The following LYN variants were observed in gnomAD, a reference collection of about 807,000 sequenced individuals.
LYN encodes LYN proto-oncogene, Src family tyrosine kinase.
A neutral mutation model predicts 65.0 loss-of-function variants in LYN; 12 were observed. The ratio of observed to expected loss-of-function variants is 0.18; its 90% CI spans 0.12 to 0.30. LYN has a LOEUF of 0.30. Ranked by LOEUF, LYN falls within the 10% of genes least tolerant of loss-of-function variation. The probability of loss-of-function intolerance (pLI) is 1.00; values close to 1 mark genes in which losing one functional copy is unlikely to be tolerated. For synonymous variants in LYN, 222 were observed against 221.2 expected (o/e 1.00, Z -0.03); for missense variants, 380 against 623.2 (o/e 0.61, Z 4.16).
chr8:55,959,170 G>A (rs1357080574), intron 8 of LYN, among the ~76,000 whole-genome samples: 1 of 152,174 alleles, frequency 6.6e-6, no homozygotes, highest in Non-Finnish European at 1.5e-5. Flanking sequence ...TGGCTTTTGT[G>A]ATAGTTGTCA....
At chr8:55,924,223 T>C (rs946608979) in intron 1 of LYN, among the ~76,000 whole-genome samples, 12 of 152,240 alleles carry the variant, frequency 7.9e-5, no homozygotes, top group African/African-American at 1.9e-4. Flanking sequence ...CCTTGAAAAT[T>C]TGAAATATCC....
At chr8:55,951,457 C>T (rs993678349) in intron 6 of LYN, among the ~76,000 whole-genome samples, 9 of 151,940 alleles carry the variant, frequency 5.9e-5, no homozygotes, top group African/African-American at 2.2e-4. Context: ...TTGAACCCAG[C>T]AGTTTGATAC....
intron 1 of LYN, among the ~76,000 whole-genome samples, chr8:55,896,220 T>C (rs1805093495): frequency 6.6e-6 from 1 of 151,390 alleles, no homozygotes. Flanking sequence ...CAGTGAGCTA[T>C]GATTATGCCA....
At chr8:55,996,395 G>A (rs1808372986) in intron 10 of LYN, among the ~76,000 whole-genome samples, 1 of 152,156 alleles carries the variant, frequency 6.6e-6, no homozygotes, top group African/African-American at 2.4e-5. Context: ...CAGATGACTG[G>A]GGAAAGTCAG....
At chr8:55,968,182 G>A (rs1807514429) in intron 9 of LYN, among the ~76,000 whole-genome samples, 3 of 152,028 alleles carry the variant, frequency 2.0e-5, no homozygotes, top group Admixed American at 6.6e-5. Flanking sequence ...AAATATTGTT[G>A]AATTAATTAA....
At chr8:56,001,876 G>A (rs748840942) in intron 12 of LYN, among the ~76,000 whole-genome samples, 1 of 152,104 alleles carries the variant, frequency 6.6e-6, no homozygotes, top group African/African-American at 2.4e-5. Context: ...TGGGCCCCTC[G>A]CTGGTGGCAA....
intron 7 of LYN, among the ~76,000 whole-genome samples, chr8:55,952,825 G>T (rs1296791909): frequency 6.6e-6 from 1 of 152,150 alleles, no homozygotes; most frequent in Non-Finnish European, 1.5e-5. Context: ...TCTTGGTAAA[G>T]TCAAACGGAT....
At chr8:56,009,848 C>T (rs1473416171) in intron 12 of LYN, 60 bp from the exon 13 acceptor site, 1 of 1,393,254 alleles carries the variant, frequency 7.2e-7, no homozygotes, top group Non-Finnish European at 1.0e-6. Context: ...CAGTGCTTGA[C>T]CCTCTGCCAG....
At chr8:56,003,751 G>T (rs977406888) in intron 12 of LYN, among the ~76,000 whole-genome samples, 2 of 151,050 alleles carry the variant, frequency 1.3e-5, no homozygotes, top group Non-Finnish European at 2.9e-5. Flanking sequence ...GGAGGAAAAA[G>T]AAAAAAGAAA....
chr8:55,963,890 A>G (rs1447274524), intron 8 of LYN, among the ~76,000 whole-genome samples: 1 of 152,200 alleles, frequency 6.6e-6, no homozygotes, highest in Non-Finnish European at 1.5e-5. Context: ...GGATATGCTC[A>G]TGTAACTTAG....
intron 1 of LYN, among the ~76,000 whole-genome samples, chr8:55,913,521 C>T (rs924165591): frequency 6.6e-6 from 1 of 152,172 alleles, no homozygotes; most frequent in Admixed American, 6.5e-5. Flanking sequence ...ATTTCAACTA[C>T]ATTAAAGGTA....
At chr8:55,890,891 C>T (rs1804940287) in intron 1 of LYN, among the ~76,000 whole-genome samples, 1 of 151,894 alleles carries the variant, frequency 6.6e-6, no homozygotes, top group African/African-American at 2.4e-5. Flanking sequence ...CCATGCCTGG[C>T]TAGTTTTTTG....
At chr8:55,921,902 G>A (rs1388865643) in intron 1 of LYN, among the ~76,000 whole-genome samples, 4 of 152,082 alleles carry the variant, frequency 2.6e-5, no homozygotes, top group African/African-American at 7.2e-5. Flanking sequence ...TACAAGTGCC[G>A]AACAATGTTT....
Position 55,998,354 on chromosome 8 carries a change from G to A in LYN, c.1059G>A (p.Glu353=), listed in dbSNP as rs146848077. 3.0e-5 allele frequency: 49 copies of A among 1,607,162 alleles called. No individual in the cohort carries two copies. The highest frequency in any genetic ancestry group is 3.8e-5 in the Non-Finnish European group (45 of 1,173,992). Residue 353 remains glutamate (E), a synonymous_variant, in exon 11 of 13, where the codon GAG becomes GAA. Coordinates refer to ENST00000519728, the MANE Select transcript of LYN (RefSeq NM_002350.4). The stretch of plus-strand genomic sequence containing the variant: ...CCTATTTCTGTTTTCAGATTGCAGA[G>A]GGAATGGCATACATCGAGCGGAAGA... ...KLIDFSAQIA[E]GMAYIERKNY... is the part of the protein sequence containing the mutation.
chr8:55,947,751 G>A (rs774601248), intron 4 of LYN, 28 bp downstream of exon 4: 14 of 1,500,562 alleles, frequency 9.3e-6, no homozygotes, highest in East Asian at 9.0e-5. Context: ...CGCCACGGCT[G>A]CTCGTTTCCT....
At chr8:55,970,862 C>T (rs1469519303) in intron 10 of LYN, among the ~76,000 whole-genome samples, 2 of 152,180 alleles carry the variant, frequency 1.3e-5, no homozygotes, top group Non-Finnish European at 2.9e-5. Context: ...ATTTGGGCTA[C>T]TTTATTCACC....
At chr8:55,902,331 C>CTTTCT (rs546093003) in intron 1 of LYN, among the ~76,000 whole-genome samples, 3 of 134,142 alleles carry the variant, frequency 2.2e-5, no homozygotes, top group South Asian at 2.3e-4. Context: ...TTCTTTCTTT[C>CTTTCT]TTTTTTTTTT....
chr8:55,905,336 G>A (rs1386330780), intron 1 of LYN, among the ~76,000 whole-genome samples: 1 of 152,134 alleles, frequency 6.6e-6, no homozygotes, highest in Non-Finnish European at 1.5e-5. Context: ...ACTTCAACCC[G>A]GGAGGTGGAG....
chr8:55,972,535 G>A (rs1345795374), intron 10 of LYN, among the ~76,000 whole-genome samples: 4 of 152,140 alleles, frequency 2.6e-5, no homozygotes, highest in East Asian at 1.9e-4. Flanking sequence ...CTGCTCCCTC[G>A]TCCGCCTGGG....
Sources: gnomAD v4.1 joint callset for allele counts (sites outside exome capture counted in the v4.1 genomes callset) on GRCh38, gnomAD v4.1.1 for gene constraint, MANE v1.5 for transcripts, NCBI Gene and HGNC (gene_info 2026-07-23, HGNC 2026-07-21) for gene names.